RAP2B: variants seen among roughly 807,000 people sequenced by gnomAD.
RAP2B encodes ras-related protein Rap-2b.
Under a neutral mutation model 14.4 loss-of-function variants are expected in RAP2B, and 6 were observed. The observed-to-expected ratio is 0.42, with a 90% CI of 0.23 to 0.82. The LOEUF (loss-of-function observed/expected upper bound fraction) is 0.82, where lower values mean the gene tolerates loss of function less well. Among genes scored for constraint, RAP2B ranks in the 40% least tolerant of loss-of-function variants. RAP2B has a pLI of 0.30. For missense variants in RAP2B, 137 were observed against 248.2 expected (o/e 0.55, Z 3.01); for synonymous variants, 118 against 113.2 (o/e 1.04, Z -0.27).
At position 153,162,575 on chromosome 3, in the gene RAP2B, C is replaced by T. The variant is rs1024487554; in HGVS notation, c.-119C>T. ...CCTGCGTTCTCTGGGTTGCTCTCTC[C>T]TGGGTTTTTCCTGCGTAGCTGAGGA... On this transcript the variant is annotated 5_prime_UTR_variant, in exon 1 of 1. Coordinates refer to ENST00000323534, the MANE Select transcript of RAP2B (RefSeq NM_002886.4). The surrounding 1 kb of genome is among the most constrained non-coding windows in gnomAD (Gnocchi z 4.9). The T allele has an allele frequency of 1.6e-5, 20 of 1,258,124 alleles. No individual in the cohort carries two copies. Among genetic ancestry groups the T allele is most frequent in the African/African-American group, 1.2e-4 (8 of 65,958 alleles). 77.9% of individuals were successfully genotyped at this position (1,258,124 alleles called of 1,614,324 possible).
rs539020873 is a variant in RAP2B at position 153,164,477 on chromosome 3, T to A, written c.*1232T>A. On this transcript the variant is annotated 3_prime_UTR_variant, in exon 1 of 1. Transcript: ENST00000323534. Reference sequence around the variant, plus strand: ...CAGCCTTTAAAATGTAATTTCCATCTCTTGCAATGAATTTGTTTCCCTTTT... The same window carrying A: ...CAGCCTTTAAAATGTAATTTCCATCACTTGCAATGAATTTGTTTCCCTTTT... 1 of 167,120 alleles carries A rather than the reference T, an allele frequency of 6.0e-6. No homozygotes were observed. The highest frequency in any genetic ancestry group is 2.4e-5 in the African/African-American group (1 of 41,456). The allele number at this position is 167,120 out of a possible 1,614,324, so 10.4% of individuals were successfully genotyped here.
Position 153,165,223 on chromosome 3 carries a change from A to G in RAP2B, c.*1978A>G, listed in dbSNP as rs1362151746. The G allele has an allele frequency of 6.0e-6, 1 of 167,076 alleles. No individual in the cohort carries two copies. Among genetic ancestry groups the G allele is most frequent in the Non-Finnish European group, 1.5e-5 (1 of 68,120 alleles). The allele number at this position is 167,076 out of a possible 1,614,324, so 10.3% of individuals were successfully genotyped here. A position where few individuals can be genotyped will look rare whatever the true frequency, so the allele number is the denominator to read the frequency against. ...TTTGCAGTACATTTGAATGGATTGT[A>G]GACACTGCCTCAACCCTTTTGAGGT... On this transcript the variant is annotated 3_prime_UTR_variant, in exon 1 of 1. Transcript: ENST00000323534.
At position 153,164,669 on chromosome 3, in the gene RAP2B, A is replaced by G. The variant is rs748092868; in HGVS notation, c.*1424A>G. The G allele has an allele frequency of 6.0e-6, 1 of 167,084 alleles. No homozygotes were observed. Among genetic ancestry groups the G allele is most frequent in the Non-Finnish European group, 1.5e-5 (1 of 68,118 alleles). The allele number at this position is 167,084 out of a possible 1,614,324, so 10.4% of individuals were successfully genotyped here. A position where few individuals can be genotyped will look rare whatever the true frequency, so the allele number is the denominator to read the frequency against. On this transcript the variant is annotated 3_prime_UTR_variant, in exon 1 of 1. Transcript: ENST00000323534. ...TTGTAATTTTTAATTTCATGCGTTT[A>G]ATCATTGTCTCTTCATTTTAAGACT...
In RAP2B at chr3:153,166,374, G is replaced by C. The variant is rs1713576932; in HGVS notation, c.*3129G>C. The C allele has an allele frequency of 6.0e-6, 1 of 167,014 alleles. No homozygotes were observed. Among genetic ancestry groups the C allele is most frequent in the Non-Finnish European group, 1.5e-5 (1 of 68,090 alleles). 10.3% of individuals were successfully genotyped at this position (167,014 alleles called of 1,614,324 possible). ...GGTATTAGTGTGTGAAGAGATAAGG[G>C]CATTTGTTTCAATGAAAAAGTTAGT... On this transcript the variant is annotated 3_prime_UTR_variant, in exon 1 of 1. Transcript: ENST00000323534.
At position 153,166,851 on chromosome 3, in the gene RAP2B, G is replaced by A. The variant is rs1289452637; in HGVS notation, c.*3606G>A. ...CTAGAATGCCTGATCTATTTTATCTGTTCAGGTAGTTTTGTTATTGTACCC... is the reference window on the plus strand; with the variant it reads ...CTAGAATGCCTGATCTATTTTATCTATTCAGGTAGTTTTGTTATTGTACCC... On this transcript the variant is annotated 3_prime_UTR_variant, in exon 1 of 1. Coordinates refer to ENST00000323534, the MANE Select transcript of RAP2B (RefSeq NM_002886.4). 6.0e-6 allele frequency: 1 copy of A among 166,786 alleles called. No homozygotes were observed. The highest frequency in any genetic ancestry group is 1.5e-5 in the Non-Finnish European group (1 of 68,062). The allele number at this position is 166,786 out of a possible 1,614,324, so 10.3% of individuals were successfully genotyped here. A position where few individuals can be genotyped will look rare whatever the true frequency, so the allele number is the denominator to read the frequency against.
At position 153,170,461 on chromosome 3, in the gene RAP2B, T is replaced by A. The variant is rs1713701321; in HGVS notation, c.*7216T>A. On this transcript the variant is annotated 3_prime_UTR_variant, in exon 1 of 1. Coordinates refer to ENST00000323534, the MANE Select transcript of RAP2B (RefSeq NM_002886.4). ...TTTTTCACTATAATCTGTGAAATAG[T>A]GTATATTAAACAATAATAGTATATG... 6.6e-6 allele frequency: 1 copy of A among 152,224 alleles called. No homozygotes were observed. Among genetic ancestry groups the A allele is most frequent in the African/African-American group, 2.4e-5 (1 of 41,454 alleles). 9.4% of individuals were successfully genotyped at this position (152,224 alleles called of 1,614,324 possible).
Position 153,163,252 on chromosome 3 carries a change from CACCGCGCGCCG to C in RAP2B, c.*8_*18del, listed in dbSNP as rs1170916023. The C allele has an allele frequency of 1.1e-5, 17 of 1,523,712 alleles. No homozygotes were observed. The East Asian group carries it at 4.1e-4, about 36-fold the overall frequency. The allele number at this position is 1,523,712 out of a possible 1,614,324, so 94.4% of individuals were successfully genotyped here. On this transcript the variant is annotated 3_prime_UTR_variant, in exon 1 of 1. Coordinates refer to ENST00000323534, the MANE Select transcript of RAP2B (RefSeq NM_002886.4). ...GGCCTGCGTGATCCTCTGAGGCGGC[CACCGCGCGCCG>C]GCCGCGCTCTGCGCACAAAAGCCAA...
Position 153,163,159 on chromosome 3 carries a change from C to A in RAP2B, c.466C>A (p.Leu156Ile). The A allele has an allele frequency of 6.2e-7, 1 of 1,610,638 alleles. No homozygotes were observed. The highest frequency in any genetic ancestry group is 1.1e-5 in the South Asian group (1 of 90,662). ...CAAAAACAAAGCCTCGGTAGACGAGCTATTTGCCGAGATCGTGCGGCAGAT... is the reference window on the plus strand; with the variant it reads ...CAAAAACAAAGCCTCGGTAGACGAGATATTTGCCGAGATCGTGCGGCAGAT... ...SAKNKASVDE[L>I]FAEIVRQMNY... The change falls in exon 1 of 1, where the codon CTA becomes ATA. Residue 156 changes from leucine (L) to isoleucine (I), a missense_variant. Around this residue, in one of 2 missense-constraint regions of RAP2B, gnomAD observed 106 missense variants for 143.5 expected, o/e 0.74. Coordinates refer to ENST00000323534, the MANE Select transcript of RAP2B (RefSeq NM_002886.4).
At position 153,168,606 on chromosome 3, in the gene RAP2B, T is replaced by C. The variant is rs1713643504; in HGVS notation, c.*5361T>C. On this transcript the variant is annotated 3_prime_UTR_variant, in exon 1 of 1. Coordinates refer to ENST00000323534, the MANE Select transcript of RAP2B (RefSeq NM_002886.4). ...GAGTGTTACATCTGAAACTATTCTA[T>C]TAGAAGGTGAAAAGTGTTGATTGAA... The C allele has an allele frequency of 6.6e-6, 1 of 152,592 alleles. No homozygotes were observed. Among genetic ancestry groups the C allele is most frequent in the Non-Finnish European group, 1.5e-5 (1 of 68,028 alleles). 9.5% of individuals were successfully genotyped at this position (152,592 alleles called of 1,614,324 possible).
Position 153,163,176 on chromosome 3 carries a change from G to T in RAP2B, c.483G>T (p.Val161=), listed in dbSNP as rs996127553. The T allele has an allele frequency of 3.7e-6, 6 of 1,606,462 alleles. No homozygotes were observed. Among genetic ancestry groups the T allele is most frequent in the Non-Finnish European group, 5.1e-6 (6 of 1,177,064 alleles). ...ASVDELFAEI[V]RQMNYAAQPN... is the part of the protein sequence containing the mutation. ...TAGACGAGCTATTTGCCGAGATCGTGCGGCAGATGAACTACGCGGCGCAGC... is the reference window on the plus strand; with the variant it reads ...TAGACGAGCTATTTGCCGAGATCGTTCGGCAGATGAACTACGCGGCGCAGC... Residue 161 remains valine (V), a synonymous_variant, in exon 1 of 1, where the codon GTG becomes GTT. Transcript: ENST00000323534.
chr3:153,162,748 C>T lies in RAP2B; in HGVS notation c.55C>T (p.Leu19Phe). The T allele has an allele frequency of 6.2e-7, 1 of 1,613,994 alleles. No individual in the cohort carries two copies. Residue 19 changes from leucine (L) to phenylalanine (F), a missense_variant, in exon 1 of 1, where the codon CTC (leucine) becomes TTC (phenylalanine). Physicochemically the swap from Leu to Phe is conservative, Grantham distance 22 (BLOSUM62 0). Around this residue, in one of 2 missense-constraint regions of RAP2B, gnomAD observed 31 missense variants for 104.7 expected, o/e 0.30. Transcript: ENST00000323534. This position sits in a 1 kb window ranked among gnomAD's most constrained non-coding sequence, Gnocchi z 4.9. ...CTCGGGCGGCGTGGGCAAGTCCGCG[C>T]TCACCGTGCAGTTCGTGACGGGCTC... ...LGSGGVGKSA[L>F]TVQFVTGSFI...
rs1713694322 is a variant in RAP2B, at chr3:153,170,210, A to C, written c.*6965A>C. 6.6e-6 allele frequency: 1 copy of C among 152,192 alleles called. No individual in the cohort carries two copies. The allele number at this position is 152,192 out of a possible 1,614,324, so 9.4% of individuals were successfully genotyped here. On this transcript the variant is annotated 3_prime_UTR_variant, in exon 1 of 1. Coordinates refer to ENST00000323534, the MANE Select transcript of RAP2B (RefSeq NM_002886.4). ...GGTAGCAAAATTTTTTAAAAAATGG[A>C]AAAGAGAAAGATTATTGATGCCTTG...
rs995326944 is a variant in RAP2B, at chr3:153,166,481, C to G, written c.*3236C>G. The G allele has an allele frequency of 6.0e-6, 1 of 166,992 alleles. No individual in the cohort carries two copies. The highest frequency in any genetic ancestry group is 2.4e-5 in the African/African-American group (1 of 41,434). 10.3% of individuals were successfully genotyped at this position (166,992 alleles called of 1,614,324 possible). On this transcript the variant is annotated 3_prime_UTR_variant, in exon 1 of 1. Transcript: ENST00000323534. ...AACAGAAATTGGGTGGGAAAGGAGT[C>G]TTTATCTTGGGGAGCAAAAGCTGAC...
In RAP2B at chr3:153,163,330, G is replaced by A; in HGVS notation, c.*85G>A. On this transcript the variant is annotated 3_prime_UTR_variant, in exon 1 of 1. Transcript: ENST00000323534. ...AAATGTGATTTATTTCTTGCTTTGAGATTGGAGACCACTTTGCATTGGCCA... is the reference window on the plus strand; with the variant it reads ...AAATGTGATTTATTTCTTGCTTTGAAATTGGAGACCACTTTGCATTGGCCA... The A allele has an allele frequency of 6.9e-7, 1 of 1,452,392 alleles. No individual in the cohort carries two copies. The highest frequency in any genetic ancestry group is 9.1e-7 in the Non-Finnish European group (1 of 1,100,454). 90.0% of individuals were successfully genotyped at this position (1,452,392 alleles called of 1,614,324 possible).
rs1713638875 is a variant in RAP2B at position 153,168,414 on chromosome 3, C to G, written c.*5169C>G. ...CAAATCTCCATTTTCATTTTTAATG[C>G]TTCCTGGACTTCAGTTATTTTCTTG... On this transcript the variant is annotated 3_prime_UTR_variant, in exon 1 of 1. Coordinates refer to ENST00000323534, the MANE Select transcript of RAP2B (RefSeq NM_002886.4). 6.0e-6 allele frequency: 1 copy of G among 166,902 alleles called. No individual in the cohort carries two copies. Among genetic ancestry groups the G allele is most frequent in the African/African-American group, 2.4e-5 (1 of 41,442 alleles). 10.3% of individuals were successfully genotyped at this position (166,902 alleles called of 1,614,324 possible).
Position 153,170,145 on chromosome 3 carries a change from C to T in RAP2B, c.*6900C>T, listed in dbSNP as rs1355342333. Reference sequence around the variant, plus strand: ...GTTAAGTTTGTCAGAGGATTGAAAACGTGGTTGGTTTATTTGTGGTAATTG... The same window carrying T: ...GTTAAGTTTGTCAGAGGATTGAAAATGTGGTTGGTTTATTTGTGGTAATTG... On this transcript the variant is annotated 3_prime_UTR_variant, in exon 1 of 1. Transcript: ENST00000323534. The T allele has an allele frequency of 6.6e-6, 1 of 152,100 alleles. No homozygotes were observed. Among genetic ancestry groups the T allele is most frequent in the Non-Finnish European group, 1.5e-5 (1 of 68,026 alleles). 9.4% of individuals were successfully genotyped at this position (152,100 alleles called of 1,614,324 possible).
rs1480019217 is a variant in RAP2B at position 153,168,357 on chromosome 3, T to C, written c.*5112T>C. ...TATTTAGATGCTGAGAATAATATTA[T>C]CATGCTTGGGTGGGGAAGAAAGGCC... On this transcript the variant is annotated 3_prime_UTR_variant, in exon 1 of 1. Transcript: ENST00000323534. 1 of 167,076 alleles carries C rather than the reference T, an allele frequency of 6.0e-6. No individual in the cohort carries two copies. The highest frequency in any genetic ancestry group is 1.5e-5 in the Non-Finnish European group (1 of 68,126). The allele number at this position is 167,076 out of a possible 1,614,324, so 10.3% of individuals were successfully genotyped here. A position where few individuals can be genotyped will look rare whatever the true frequency, so the allele number is the denominator to read the frequency against.
At position 153,163,279 on chromosome 3, in the gene RAP2B, CA is replaced by C. The variant is rs138679445; in HGVS notation, c.*38del. Reference sequence around the variant, plus strand: ...CCGCGCGCCGGCCGCGCTCTGCGCACAAAAGCCAAACGCATCCGACTCTCTA... The same window carrying C: ...CCGCGCGCCGGCCGCGCTCTGCGCACAAAGCCAAACGCATCCGACTCTCTA... On this transcript the variant is annotated 3_prime_UTR_variant, in exon 1 of 1. Coordinates refer to ENST00000323534, the MANE Select transcript of RAP2B (RefSeq NM_002886.4). 1.3e-6 allele frequency: 2 copies of C among 1,497,316 alleles called. No individual in the cohort carries two copies. Among genetic ancestry groups the C allele is most frequent in the African/African-American group, 2.8e-5 (2 of 70,948 alleles). The allele number at this position is 1,497,316 out of a possible 1,614,324, so 92.8% of individuals were successfully genotyped here.
In RAP2B at chr3:153,162,387, C is replaced by T. The variant is rs1713424833; in HGVS notation, c.-307C>T. The stretch of plus-strand genomic sequence containing the variant: ...TCCCGGGCTGCCGCAGCTAGGAGCT[C>T]CAGCCGTCGCCTCGCGCAGGCTGCG... On this transcript the variant is annotated 5_prime_UTR_variant, in exon 1 of 1. Coordinates refer to ENST00000323534, the MANE Select transcript of RAP2B (RefSeq NM_002886.4). The surrounding 1 kb of genome is among the most constrained non-coding windows in gnomAD (Gnocchi z 4.9). 4.8e-6 allele frequency: 1 copy of T among 206,532 alleles called. No individual in the cohort carries two copies. Among genetic ancestry groups the T allele is most frequent in the South Asian group, 1.8e-4 (1 of 5,554 alleles). The allele number at this position is 206,532 out of a possible 1,614,324, so 12.8% of individuals were successfully genotyped here. A position where few individuals can be genotyped will look rare whatever the true frequency, so the allele number is the denominator to read the frequency against.
Sources: allele counts gnomAD v4.1 joint callset, GRCh38; gene constraint gnomAD v4.1.1; regional missense constraint gnomAD v4.1.1; non-coding constraint Gnocchi (gnomAD v3.1); transcripts MANE v1.5; gene names NCBI Gene and HGNC (gene_info 2026-07-23, HGNC 2026-07-21).